Variants in TENM3 observed in about 807,000 individuals in gnomAD.
The protein encoded by TENM3 is teneurin-3.
In TENM3, 63 loss-of-function variants were observed where a neutral mutation model predicts 255.1. The observed-to-expected ratio is 0.25, with a 90% CI of 0.20 to 0.30. The LOEUF (loss-of-function observed/expected upper bound fraction) is 0.30. Among genes scored for constraint, TENM3 ranks in the 10% least tolerant of loss-of-function variants. TENM3 has a pLI of 1.00. For synonymous variants in TENM3, 1,306 were observed against 1,322.3 expected, an observed-to-expected ratio of 0.99 and a Z score of 0.27; for missense variants, 2,929 against 3,461.1, an observed-to-expected ratio of 0.85 and a Z score of 3.86.
the TENM3 span, among the ~76,000 whole-genome samples, chr4:181,585,535 G>A: frequency 6.6e-6 from 1 of 152,110 alleles, no homozygotes. Context: ...ATTTAGCATT[G>A]TACTTTCCCT....
At chr4:181,787,218 A>G in the TENM3 span, among the ~76,000 whole-genome samples, 7 of 152,324 alleles carry the variant, frequency 4.6e-5, no homozygotes, top group African/African-American at 1.2e-4. Context: ...AATAGAGATC[A>G]TAAGACTGAC....
intron 22 of TENM3, among the ~76,000 whole-genome samples, chr4:182,767,073 T>C (rs578051221): frequency 6.6e-6 from 1 of 152,290 alleles, no homozygotes; most frequent in South Asian, 2.1e-4. Flanking sequence ...GACTGCTCTG[T>C]TTCCCTTGGT....
At chr4:182,690,406 T>C (rs1486699204) in intron 12 of TENM3, among the ~76,000 whole-genome samples, 1 of 152,150 alleles carries the variant, frequency 6.6e-6, no homozygotes, top group Non-Finnish European at 1.5e-5. Context: ...GACAATGCAA[T>C]ACCTCTATAA....
chr4:182,187,614 A>G (rs991892582), intron 1 of TENM3, among the ~76,000 whole-genome samples: 3 of 152,122 alleles, frequency 2.0e-5, no homozygotes, highest in Non-Finnish European at 1.5e-5. Flanking sequence ...GTGCCATGAT[A>G]CCAGAAGCCA....
the TENM3 span, among the ~76,000 whole-genome samples, chr4:181,950,643 T>C: frequency 6.6e-6 from 1 of 152,204 alleles, no homozygotes; most frequent in Admixed American, 6.5e-5. Flanking sequence ...TAAAATATTG[T>C]TGTGCTCATT....
chr4:182,758,686 T>C (rs1348083017), intron 22 of TENM3, among the ~76,000 whole-genome samples: 1 of 152,174 alleles, frequency 6.6e-6, no homozygotes, highest in Non-Finnish European at 1.5e-5. Context: ...GTGTCTACTT[T>C]AGACCTTACA....
At chr4:182,387,634 A>T (rs1768055479) in intron 3 of TENM3, among the ~76,000 whole-genome samples, 1 of 152,060 alleles carries the variant, frequency 6.6e-6, no homozygotes, top group African/African-American at 2.4e-5. Flanking sequence ...TTCACTCCTG[A>T]GCCCAGGGAG....
At chr4:181,651,673 G>C in the TENM3 span, among the ~76,000 whole-genome samples, 1 of 152,034 alleles carries the variant, frequency 6.6e-6, no homozygotes, top group African/African-American at 2.4e-5. Flanking sequence ...GGTGTGAGTA[G>C]ACAGAAAAAA....
chr4:182,280,650 C>T (rs1760319765), intron 1 of TENM3, among the ~76,000 whole-genome samples: 1 of 152,160 alleles, frequency 6.6e-6, no homozygotes, highest in South Asian at 2.1e-4. Flanking sequence ...TCTGAGTTGG[C>T]GCGGTACGGA....
At position 182,504,168 on chromosome 4, in the gene TENM3, C is replaced by T. The variant is rs142089222; in HGVS notation, c.512-96756C>T. On this transcript the variant is annotated intron_variant, in intron 3 of 27. Coordinates refer to ENST00000511685, the MANE Select transcript of TENM3 (RefSeq NM_001080477.4). ...GCTCAAACATATCTAAATATCCCTT[C>T]CTTCCCATGGAACTTTTTTTTTTTT... is the stretch of plus-strand genomic sequence containing the variant. 1.7e-3 allele frequency among the ~76,000 whole-genome samples: 256 copies of T among 152,082 alleles called. 2 individuals carry two copies. The highest frequency in any genetic ancestry group is 6.0e-3 in the African/African-American group (248 of 41,514).
At chr4:181,539,593 G>A in the TENM3 span, among the ~76,000 whole-genome samples, 1 of 151,994 alleles carries the variant, frequency 6.6e-6, no homozygotes, top group African/African-American at 2.4e-5. Flanking sequence ...CATTTGAAGT[G>A]TAAAAATGAG....
At chr4:182,037,190 C>T in the TENM3 span, among the ~76,000 whole-genome samples, 12 of 150,934 alleles carry the variant, frequency 8.0e-5, no homozygotes, top group African/African-American at 3.0e-4. Context: ...CTCTGTTTCC[C>T]AGGCTGGAGT....
At chr4:182,439,567 T>C (rs1337906412) in intron 3 of TENM3, among the ~76,000 whole-genome samples, 1 of 152,240 alleles carries the variant, frequency 6.6e-6, no homozygotes, top group Non-Finnish European at 1.5e-5. Context: ...AGGCATTCAA[T>C]AAATGTGAGA....
intron 4 of TENM3, among the ~76,000 whole-genome samples, chr4:182,610,850 C>T (rs1748930043): frequency 6.6e-6 from 1 of 150,756 alleles, no homozygotes; most frequent in Non-Finnish European, 1.5e-5. Flanking sequence ...CTCAAGCAAT[C>T]CTCCCGCCTC....
chr4:181,489,169 T>A, the TENM3 span, among the ~76,000 whole-genome samples: 1 of 152,202 alleles, frequency 6.6e-6, no homozygotes, highest in Non-Finnish European at 1.5e-5. Context: ...GCCTCTGGCC[T>A]GAAAACCTCA....
At chr4:182,795,571 G>A (rs1430520589) in intron 26 of TENM3, among the ~76,000 whole-genome samples, 1 of 152,182 alleles carries the variant, frequency 6.6e-6, no homozygotes, top group African/African-American at 2.4e-5. Context: ...TGCCAGCCTG[G>A]CAATGAGGTG....
the TENM3 span, among the ~76,000 whole-genome samples, chr4:182,117,429 T>C: frequency 6.6e-6 from 1 of 152,180 alleles, no homozygotes; most frequent in Non-Finnish European, 1.5e-5. Flanking sequence ...GTTTTATAGT[T>C]TTACACTTTA....
chr4:181,980,729 C>G, the TENM3 span, among the ~76,000 whole-genome samples: 15 of 152,220 alleles, frequency 9.9e-5, no homozygotes, highest in Non-Finnish European at 1.5e-5. Context: ...TTAACAATAA[C>G]TAGAATACAA....
the TENM3 span, among the ~76,000 whole-genome samples, chr4:181,565,307 C>T: frequency 1.2e-3 from 181 of 152,274 alleles, 2 homozygotes; most frequent in Non-Finnish European, 2.1e-3. Context: ...TAATTTCAAC[C>T]TACCATTAAT....
Sources: allele counts gnomAD v4.1 joint callset (sites outside exome capture counted in the v4.1 genomes callset), GRCh38; gene constraint gnomAD v4.1.1; transcripts MANE v1.5; gene names NCBI Gene and HGNC (gene_info 2026-07-23, HGNC 2026-07-21).